SEMA6A: variants seen among roughly 807,000 people sequenced by gnomAD.
The protein encoded by SEMA6A is semaphorin-6A.
In SEMA6A, 25 loss-of-function variants were observed where a neutral mutation model predicts 96.8. The ratio of observed to expected loss-of-function variants is 0.26; its 90% CI spans 0.19 to 0.36. The LOEUF (loss-of-function observed/expected upper bound fraction) is 0.36. Ranked by LOEUF, SEMA6A falls within the 10% of genes least tolerant of loss-of-function variation. The pLI is 1.00. For synonymous variants in SEMA6A, 612 were observed against 518.0 expected, an observed-to-expected ratio of 1.18 and a Z score of -2.46; for missense variants, 1,363 against 1,323.1, an observed-to-expected ratio of 1.03 and a Z score of -0.47.
rs1278461773 is a variant in SEMA6A at position 116,502,294 on chromosome 5, T to C, written c.134A>G (p.Lys45Arg). The change falls in exon 3 of 19, where the codon AAG becomes AGG. Residue 45 changes from lysine to arginine, a missense_variant. Coordinates refer to ENST00000343348, the MANE Select transcript of SEMA6A (RefSeq NM_020796.5). The part of the protein sequence containing the change: ...TKQYPVFVGH[K>R]PGRNTTQRHR... ...CCTCTGTGTGGTGTTCCGTCCTGGC[T>C]TGTGGCCCACAAACACCGGATACTG... is the stretch of plus-strand genomic sequence containing the variant. 5 of 1,613,810 alleles carry C rather than the reference T, an allele frequency of 3.1e-6. No individual in the cohort carries two copies. The African/African-American group carries it at 4.0e-5, about 13-fold the overall frequency.
intron 18 of SEMA6A, among the ~76,000 whole-genome samples, chr5:116,460,980 ACT>A (rs1219221432): frequency 2.0e-5 from 3 of 151,998 alleles, no homozygotes; most frequent in Non-Finnish European, 4.4e-5. Context: ...TAAAAATTAA[ACT>A]TTTTAATCTC....
intron 18 of SEMA6A, among the ~76,000 whole-genome samples, chr5:116,464,667 G>A (rs531206617): frequency 6.6e-6 from 1 of 152,132 alleles, no homozygotes; most frequent in Non-Finnish European, 1.5e-5. Context: ...AGCAGAAGGG[G>A]GTTAGGCTGC....
intron 1 of SEMA6A, among the ~76,000 whole-genome samples, chr5:116,554,497 A>G (rs1760535448): frequency 6.6e-6 from 1 of 152,218 alleles, no homozygotes; most frequent in Admixed American, 6.5e-5. Flanking sequence ...ATAAAATAAA[A>G]TACACACATT....
chr5:116,478,432 A>G (rs779806094), intron 13 of SEMA6A, 110 bp downstream of exon 13: 1 of 1,178,078 alleles, frequency 8.5e-7, no homozygotes, highest in African/African-American at 1.6e-5. Context: ...AGCACTAAAA[A>G]GTCATCTAAA....
intron 18 of SEMA6A, among the ~76,000 whole-genome samples, chr5:116,458,628 A>G (rs1414356547): frequency 6.6e-6 from 1 of 152,194 alleles, no homozygotes. Context: ...AGGTTAAAAA[A>G]TAAAAGGTTA....
chr5:116,492,740 C>A (rs959555954), intron 6 of SEMA6A, among the ~76,000 whole-genome samples: 1 of 152,154 alleles, frequency 6.6e-6, no homozygotes, highest in East Asian at 1.9e-4. Flanking sequence ...GAGGCAGATA[C>A]TGAAAATTTG....
In SEMA6A at chr5:116,546,946, A is replaced by G. The variant is rs554197699; in HGVS notation, c.-39+27239T>C. 7.9e-5 allele frequency among the ~76,000 whole-genome samples: 12 copies of G among 152,316 alleles called. No individual in the cohort carries two copies. In the East Asian group the frequency reaches 2.1e-3, roughly 27 times the overall value. ...ATAAGCAATCAACTGACTTTTCCATATAGATTCTCATGAAAAACAAAAAGG... is the reference window on the plus strand; with the variant it reads ...ATAAGCAATCAACTGACTTTTCCATGTAGATTCTCATGAAAAACAAAAAGG... On this transcript the variant is annotated intron_variant, in intron 1 of 18. Transcript: ENST00000343348.
At chr5:116,535,590 A>C (rs1238736676) in intron 1 of SEMA6A, among the ~76,000 whole-genome samples, 1 of 152,174 alleles carries the variant, frequency 6.6e-6, no homozygotes, top group Non-Finnish European at 1.5e-5. Context: ...ACAAAGAATC[A>C]CCATTTATAA....
chr5:116,570,227 G>A (rs1286357105), intron 1 of SEMA6A, among the ~76,000 whole-genome samples: 1 of 152,134 alleles, frequency 6.6e-6, no homozygotes, highest in African/African-American at 2.4e-5. Flanking sequence ...CCATGTGGTC[G>A]CCAGCAGAGA....
intron 15 of SEMA6A, among the ~76,000 whole-genome samples, chr5:116,476,079 A>G (rs974612233): frequency 6.6e-6 from 1 of 152,100 alleles, no homozygotes; most frequent in African/African-American, 2.4e-5. Flanking sequence ...AAAGTGTTCA[A>G]AGGTCCAAGT....
chr5:116,519,135 G>A (rs1197809590), intron 1 of SEMA6A, among the ~76,000 whole-genome samples: 1 of 152,156 alleles, frequency 6.6e-6, no homozygotes, highest in African/African-American at 2.4e-5. Context: ...TCCTCAATGA[G>A]AAGAGAGCAA....
rs910838229 is a variant in SEMA6A, at chr5:116,475,744, T to A, written c.1650-141A>T. 7 of 558,814 alleles carry A rather than the reference T, an allele frequency of 1.3e-5. No homozygotes were observed. The Admixed American group carries it at 1.3e-4, about 10-fold the overall frequency. The allele number at this position is 558,814 out of a possible 1,614,324, so 34.6% of individuals were successfully genotyped here. On this transcript the variant is annotated intron_variant, in intron 15 of 18. Coordinates refer to ENST00000343348, the MANE Select transcript of SEMA6A (RefSeq NM_020796.5). ...GCAAAAAAGAAATACATAACAGCTT[T>A]AAAATTTATCTCTGAAGTTTATAGA...
At chr5:116,456,509 A>G (rs962848001) in intron 18 of SEMA6A, among the ~76,000 whole-genome samples, 16 of 152,256 alleles carry the variant, frequency 1.1e-4, no homozygotes, top group African/African-American at 3.1e-4. Context: ...ATCTGTCAAA[A>G]GCATGGCATA....
At chr5:116,493,695 A>C (rs998910837) in intron 6 of SEMA6A, among the ~76,000 whole-genome samples, 1 of 152,140 alleles carries the variant, frequency 6.6e-6, no homozygotes, top group African/African-American at 2.4e-5. Context: ...TGCCAAAAAA[A>C]GACAGGGGGT....
intron 1 of SEMA6A, among the ~76,000 whole-genome samples, chr5:116,544,174 C>T (rs1760090069): frequency 6.6e-6 from 1 of 152,284 alleles, no homozygotes; most frequent in South Asian, 2.1e-4. Flanking sequence ...CTTTCTGATC[C>T]ACTTTCCTAA....
chr5:116,482,032 A>G (rs1181721864), intron 11 of SEMA6A, among the ~76,000 whole-genome samples: 2 of 152,146 alleles, frequency 1.3e-5, no homozygotes, highest in Non-Finnish European at 2.9e-5. Context: ...AACACTATTT[A>G]TATTTCATAT....
chr5:116,457,316 T>C (rs898467596), intron 18 of SEMA6A, among the ~76,000 whole-genome samples: 2 of 152,172 alleles, frequency 1.3e-5, no homozygotes, highest in Non-Finnish European at 2.9e-5. Flanking sequence ...TCCAAAAGGT[T>C]AGGCATAATG....
chr5:116,568,536 A>G (rs988355157), intron 1 of SEMA6A, among the ~76,000 whole-genome samples: 8 of 152,232 alleles, frequency 5.3e-5, no homozygotes, highest in Non-Finnish European at 1.0e-4. Flanking sequence ...TTCTATGGCC[A>G]GTGGTTAGAA....
intron 16 of SEMA6A, among the ~76,000 whole-genome samples, chr5:116,474,605 A>G (rs1309381801): frequency 6.6e-6 from 1 of 152,200 alleles, no homozygotes; most frequent in Non-Finnish European, 1.5e-5. Flanking sequence ...ATCTCTAAAA[A>G]AGATAAGGTA....
Sources: gnomAD v4.1 joint callset for allele counts (sites outside exome capture counted in the v4.1 genomes callset) on GRCh38, gnomAD v4.1.1 for gene constraint, MANE v1.5 for transcripts, NCBI Gene and HGNC (gene_info 2026-07-23, HGNC 2026-07-21) for gene names.